The following TPH1 variants were observed in gnomAD, a reference collection of about 807,000 sequenced individuals.
TPH1 encodes tryptophan 5-hydroxylase 1.
Under a neutral mutation model 49.5 loss-of-function variants are expected in TPH1, and 37 were observed. The ratio of observed to expected loss-of-function variants is 0.75; its 90% CI spans 0.58 to 0.98. The LOEUF is 0.98. Ranked by LOEUF, TPH1 falls within the 50% of genes least tolerant of loss-of-function variation. The pLI is 0.00. For missense variants in TPH1, 487 were observed against 523.6 expected, an observed-to-expected ratio of 0.93 and a Z score of 0.68; for synonymous variants, 160 against 182.1, an observed-to-expected ratio of 0.88 and a Z score of 0.98.
Position 18,019,702 on chromosome 11 carries a change from CAA to C in TPH1, c.*1287_*1288del, listed in dbSNP as rs1386332943. 3 of 463,690 alleles carry C rather than the reference CAA, an allele frequency of 6.5e-6. No individual in the cohort carries two copies. Among genetic ancestry groups the C allele is most frequent in the African/African-American group, 5.9e-5 (3 of 50,556 alleles). The allele number at this position is 463,690 out of a possible 1,614,324, so 28.7% of individuals were successfully genotyped here. A position where few individuals can be genotyped will look rare whatever the true frequency, so the allele number is the denominator to read the frequency against. ...AGAGATGGCAAAAAGAGTAGAAGTG[CAA>C]AGACAGAAACTTGAAGAACATCTTC... On this transcript the variant is annotated 3_prime_UTR_variant, in exon 11 of 11. Coordinates refer to ENST00000682019, the MANE Select transcript of TPH1 (RefSeq NM_004179.3).
At chr11:18,043,777 G>A (rs1406267709) in intron 1 of TPH1, among the ~76,000 whole-genome samples, 2 of 151,642 alleles carry the variant, frequency 1.3e-5, no homozygotes, top group African/African-American at 4.8e-5. Flanking sequence ...GAGGCAGGAG[G>A]CTTGCTTGAG....
intron 10 of TPH1, 88 bp downstream of exon 10, chr11:18,022,710 A>T: frequency 6.8e-7 from 1 of 1,471,982 alleles, no homozygotes; most frequent in Non-Finnish European, 9.4e-7. Flanking sequence ...GCTTCAAATT[A>T]TCTAGCTGCT....
intron 4 of TPH1, among the ~76,000 whole-genome samples, chr11:18,032,764 T>A (rs1450299453): frequency 6.6e-6 from 1 of 151,776 alleles, no homozygotes; most frequent in African/African-American, 2.4e-5. Flanking sequence ...GCCAGGATGA[T>A]CTCGATCTCC....
intron 4 of TPH1, among the ~76,000 whole-genome samples, chr11:18,030,416 T>A (rs2134029177): frequency 6.7e-6 from 1 of 149,004 alleles, no homozygotes; most frequent in South Asian, 2.1e-4. Context: ...AGGGAGACTC[T>A]ATCTTGAAAA....
Position 18,026,533 on chromosome 11 carries a change from G to A in TPH1, c.760C>T (p.Gln254Ter), listed in dbSNP as rs371274465. 6.2e-7 allele frequency: 1 copy of A among 1,612,856 alleles called. No homozygotes were observed. The highest frequency in any genetic ancestry group is 8.5e-7 in the Non-Finnish European group (1 of 1,179,404). Residue 254 changes from glutamine (Q) to a stop codon, truncating the protein, a stop_gained, in exon 7 of 11, where the codon CAA becomes TAA. Coordinates refer to ENST00000682019, the MANE Select transcript of TPH1 (RefSeq NM_004179.3). LOFTEE classifies it high-confidence loss of function. ...GGATCTGAACTGTGTCTCACATATT[G>A]AGTGCAGTGAAAAACTCGAAAGGCT... ...GLAFRVFHCT[Q>*]YVRHSSDPFY...
At chr11:18,023,323 C>G (rs1013939492) in intron 9 of TPH1, among the ~76,000 whole-genome samples, 10 of 152,158 alleles carry the variant, frequency 6.6e-5, no homozygotes, top group African/African-American at 2.4e-5. Context: ...GTTTCATACA[C>G]ATTCATTACT....
intron 1 of TPH1, among the ~76,000 whole-genome samples, chr11:18,042,045 C>A (rs1848102663): frequency 6.6e-6 from 1 of 152,142 alleles, no homozygotes; most frequent in Non-Finnish European, 1.5e-5. Context: ...AGCCATGACA[C>A]CCAAGGAGTA....
At chr11:18,026,259 A>G (rs749123040) in intron 7 of TPH1, among the ~76,000 whole-genome samples, 7 of 152,166 alleles carry the variant, frequency 4.6e-5, no homozygotes, top group Admixed American at 6.6e-5. Flanking sequence ...TATGCTCAGA[A>G]TAGCAGCTAG....
rs1181145196 is a variant in TPH1, at chr11:18,029,226, T to C, written c.606A>G (p.Lys202=). The change falls in exon 6 of 11, where the codon AAA becomes AAG. Residue 202 remains lysine, a synonymous_variant. Transcript: ENST00000682019. ...EYLKNLPLLS[K]YCGYREDNIP... ...TATTATCCTCCCGATATCCACAATATTTAGAAAGCAAAGGTAAGTTTTTGA... is the reference window on the plus strand; with the variant it reads ...TATTATCCTCCCGATATCCACAATACTTAGAAAGCAAAGGTAAGTTTTTGA... The C allele has an allele frequency of 1.2e-6, 2 of 1,614,086 alleles. No homozygotes were observed. Among genetic ancestry groups the C allele is most frequent in the Non-Finnish European group, 1.7e-6 (2 of 1,179,958 alleles).
chr11:18,034,705 T>A (rs1848027133), intron 3 of TPH1, among the ~76,000 whole-genome samples: 1 of 152,234 alleles, frequency 6.6e-6, no homozygotes, highest in Admixed American at 6.5e-5. Flanking sequence ...AGAGATTATT[T>A]TAGATTGAGT....
At chr11:18,022,018 C>G (rs983816564) in intron 10 of TPH1, among the ~76,000 whole-genome samples, 1 of 152,180 alleles carries the variant, frequency 6.6e-6, no homozygotes, top group Non-Finnish European at 1.5e-5. Flanking sequence ...GCCTAACTCC[C>G]CAACTAATGG....
chr11:18,029,482 A>C lies in TPH1; in HGVS notation c.470+30T>G, dbSNP rs778007492. The C allele has an allele frequency of 4.4e-6, 7 of 1,581,322 alleles. No homozygotes were observed. The East Asian group carries it at 1.6e-4, about 35-fold the overall frequency. ...CTATTCACTTATTTTATTATCTCAA[A>C]GTTGACTATATTTTTTTAAATATAC... On this transcript the variant is annotated intron_variant, in intron 5 of 10. Transcript: ENST00000682019.
chr11:18,024,339 C>T (rs1352071459), intron 8 of TPH1, among the ~76,000 whole-genome samples: 1 of 152,118 alleles, frequency 6.6e-6, no homozygotes, highest in Non-Finnish European at 1.5e-5. Context: ...TGTTTTAATA[C>T]AAATAACTAT....
rs1171552328 is a variant in TPH1 at position 18,033,389 on chromosome 11, A to G, written c.302-15T>C. On this transcript the variant is annotated splice_polypyrimidine_tract_variant and intron_variant, in intron 3 of 10. Coordinates refer to ENST00000682019, the MANE Select transcript of TPH1 (RefSeq NM_004179.3). ...AGTTTCCATACCTGTAAAATTTAAA[A>G]TAAAATAAAATAAAAACCAGTAAAA... The G allele has an allele frequency of 6.5e-7, 1 of 1,542,596 alleles. No individual in the cohort carries two copies. Among genetic ancestry groups the G allele is most frequent in the South Asian group, 1.1e-5 (1 of 88,564 alleles).
intron 4 of TPH1, among the ~76,000 whole-genome samples, chr11:18,031,172 A>G: frequency 6.6e-6 from 1 of 152,158 alleles, no homozygotes; most frequent in East Asian, 1.9e-4. Flanking sequence ...GTCTATTTCT[A>G]TGTATTTTTC....
chr11:18,032,157 A>G (rs995706863), intron 4 of TPH1, among the ~76,000 whole-genome samples: 4 of 152,162 alleles, frequency 2.6e-5, no homozygotes, highest in East Asian at 1.9e-4. Flanking sequence ...TAACTTCACA[A>G]TTGCACTCTC....
chr11:18,034,939 C>T (rs1564858617), intron 3 of TPH1, among the ~76,000 whole-genome samples: 1 of 152,134 alleles, frequency 6.6e-6, no homozygotes, highest in African/African-American at 2.4e-5. Context: ...ACAATTTTTC[C>T]AAGAAGGAAA....
At chr11:18,032,656 C>T (rs1848003638) in intron 4 of TPH1, among the ~76,000 whole-genome samples, 4 of 149,580 alleles carry the variant, frequency 2.7e-5, no homozygotes, top group Admixed American at 1.3e-4. Flanking sequence ...CGCCATTCTC[C>T]TGCTTCAGCC....
intron 4 of TPH1, among the ~76,000 whole-genome samples, chr11:18,032,227 C>A (rs1325030976): frequency 1.3e-5 from 2 of 152,140 alleles, no homozygotes; most frequent in Admixed American, 6.5e-5. Flanking sequence ...CTTGCCTGTA[C>A]TGTACAATTT....
Sources: allele counts gnomAD v4.1 joint callset (sites outside exome capture counted in the v4.1 genomes callset), GRCh38; gene constraint gnomAD v4.1.1; transcripts MANE v1.5; gene names NCBI Gene and HGNC (gene_info 2026-07-23, HGNC 2026-07-21).